The following GATA2 variants were observed in gnomAD, a reference collection of about 807,000 sequenced individuals.
GATA2 encodes the protein endothelial transcription factor GATA-2.
GATA2 carries 6 observed loss-of-function variants against 35.7 expected under a neutral mutation model. The observed-to-expected ratio is 0.17, with a 90% CI of 0.09 to 0.33. The LOEUF (loss-of-function observed/expected upper bound fraction) is 0.33. Ranked by LOEUF, GATA2 falls within the 10% of genes least tolerant of loss-of-function variation. The pLI is 1.00. For synonymous variants in GATA2, 313 were observed against 274.9 expected (o/e 1.14, Z -1.37); for missense variants, 541 against 656.6 (o/e 0.82, Z 1.92).
rs2068739750 is a variant in GATA2, at chr3:128,488,814, C to T, written c.-45-1738G>A. ...CACTCACTTCTAGCCCGGAGATCGG[C>T]TCTATGGTTCGTGTGGGCCGGGCGC... is the stretch of plus-strand genomic sequence containing the variant. On this transcript the variant is annotated intron_variant, in intron 1 of 5. Coordinates refer to ENST00000341105, the MANE Select transcript of GATA2 (RefSeq NM_032638.5). This position sits in a 1 kb window ranked among gnomAD's most constrained non-coding sequence, Gnocchi z 5.8. Among the ~76,000 whole-genome samples the T allele has an allele frequency of 6.6e-6, 1 of 152,180 alleles. No individual in the cohort carries two copies. The highest frequency in any genetic ancestry group is 1.5e-5 in the Non-Finnish European group (1 of 68,010).
At chr3:128,491,586 C>T (rs913330719) in intron 1 of GATA2, among the ~76,000 whole-genome samples, 6 of 152,194 alleles carry the variant, frequency 3.9e-5, no homozygotes, top group African/African-American at 1.4e-4. Flanking sequence ...ACTGCTATAA[C>T]GGCCCCTCCT....
Position 128,480,264 on chromosome 3 carries a change from G to A in GATA2, c.*755C>T. 4.3e-6 allele frequency: 1 copy of A among 233,360 alleles called. No homozygotes were observed. Among genetic ancestry groups the A allele is most frequent in the Non-Finnish European group, 8.5e-6 (1 of 118,072 alleles). 14.5% of individuals were successfully genotyped at this position (233,360 alleles called of 1,614,324 possible). On this transcript the variant is annotated 3_prime_UTR_variant, in exon 6 of 6. Transcript: ENST00000341105. ...GGTCCACCTGACAAGACAGGCTGTGGCTTGCGCTCAGTAAGGGGACACAGT... is the reference window on the plus strand; with the variant it reads ...GGTCCACCTGACAAGACAGGCTGTGACTTGCGCTCAGTAAGGGGACACAGT...
intron 1 of GATA2, among the ~76,000 whole-genome samples, chr3:128,489,052 G>T (rs948036197): frequency 6.6e-6 from 1 of 152,132 alleles, no homozygotes; most frequent in Non-Finnish European, 1.5e-5. Context: ...TGGGTCGGGG[G>T]CAGGAGGAGG....
At chr3:128,492,392 G>C (rs1022426258) in intron 1 of GATA2, among the ~76,000 whole-genome samples, 1 of 152,198 alleles carries the variant, frequency 6.6e-6, no homozygotes, top group African/African-American at 2.4e-5. Flanking sequence ...CAGACCCGGC[G>C]CTCTCCCCCA....
chr3:128,491,002 G>A (rs1366802460), intron 1 of GATA2, among the ~76,000 whole-genome samples: 1 of 152,200 alleles, frequency 6.6e-6, no homozygotes, highest in Non-Finnish European at 1.5e-5. Flanking sequence ...GACTGGAGAA[G>A]GTCAGCCAGG....
chr3:128,485,928 C>G lies in GATA2; in HGVS notation c.670G>C (p.Glu224Gln). 6.2e-7 allele frequency: 1 copy of G among 1,614,184 alleles called. No individual in the cohort carries two copies. Reference sequence around the variant, plus strand: ...CCTGGGCGCAGGGGACTGCCACTTTCCATCTTCATGCTCTCCGTCAGTGAC... The same window carrying G: ...CCTGGGCGCAGGGGACTGCCACTTTGCATCTTCATGCTCTCCGTCAGTGAC... ...QVSLTESMKMESGSPLRPGLA... is the reference protein window; with the variant it reads ...QVSLTESMKMQSGSPLRPGLA... Residue 224 changes from glutamate (E) to glutamine (Q), a missense_variant, in exon 3 of 6, where the codon GAA (glutamate) becomes CAA (glutamine). Coordinates refer to ENST00000341105, the MANE Select transcript of GATA2 (RefSeq NM_032638.5).
Position 128,483,020 on chromosome 3 carries a change from T to G in GATA2, c.1017+840A>C, listed in dbSNP as rs2068650366. Reference sequence around the variant, plus strand: ...GGCAGGGAGGGGTGAGTAAGCAGCCTGAAGCTGGAATTCTGACTCAGGGGC... The same window carrying G: ...GGCAGGGAGGGGTGAGTAAGCAGCCGGAAGCTGGAATTCTGACTCAGGGGC... On this transcript the variant is annotated intron_variant, in intron 4 of 5. Transcript: ENST00000341105. Among the ~76,000 whole-genome samples the G allele has an allele frequency of 2.6e-5, 4 of 152,282 alleles. No homozygotes were observed. In the South Asian group the frequency reaches 8.3e-4, roughly 32 times the overall value.
chr3:128,486,739 C>G, intron 2 of GATA2, 64 bp downstream of exon 2: 1 of 1,455,730 alleles, frequency 6.9e-7, no homozygotes, highest in Non-Finnish European at 9.4e-7. Context: ...CAGACGGGCC[C>G]TCCTCCCCTC....
intron 1 of GATA2, chr3:128,492,007 G>A (rs1420717621): frequency 2.6e-5 from 4 of 152,268 alleles, no homozygotes; most frequent in Non-Finnish European, 5.9e-5. Flanking sequence ...GCCCTACCTG[G>A]TTCTCGAATC....
chr3:128,486,271 C>T lies in GATA2; in HGVS notation c.327G>A (p.Ala109=), dbSNP rs373506586. The T allele has an allele frequency of 5.7e-6, 9 of 1,573,612 alleles. No individual in the cohort carries two copies. Among genetic ancestry groups the T allele is most frequent in the Non-Finnish European group, 7.8e-6 (9 of 1,160,864 alleles). ...DGGKAALSAA[A]AHHHNPWTVS... is the part of the protein sequence containing the mutation. ...CGGTCCAGGGGTTGTGGTGGTGGGC[C>T]GCAGCGGCAGAGAGGGCTGCTTTGC... Residue 109 remains alanine, a synonymous_variant, in exon 3 of 6, where the codon GCG becomes GCA. Coordinates refer to ENST00000341105, the MANE Select transcript of GATA2 (RefSeq NM_032638.5).
chr3:128,484,089 C>G (rs896358269), intron 3 of GATA2, 84 bp from the exon 4 acceptor site: 1 of 1,539,184 alleles, frequency 6.5e-7, no homozygotes. Context: ...AGCAGCCAGC[C>G]GAGCAGTGCC....
In GATA2 at chr3:128,481,172, T is replaced by A. The variant is rs766740489; in HGVS notation, c.1290A>T (p.Ala430=). 1 of 1,614,114 alleles carries A rather than the reference T, an allele frequency of 6.2e-7. No homozygotes were observed. The highest frequency in any genetic ancestry group is 8.5e-7 in the Non-Finnish European group (1 of 1,180,042). ...GTGCCATGTGTCCAGCCAGGGCAGC[T>A]GCACTGAAGGGGGATGACTTCTCCT... The part of the protein sequence containing the change: ...CMQEKSSPFS[A]AALAGHMAPV... The change falls in exon 6 of 6, where the codon GCA becomes GCT. Residue 430 remains alanine, a synonymous_variant. Transcript: ENST00000341105.
At position 128,480,662 on chromosome 3, in the gene GATA2, T is replaced by C; in HGVS notation, c.*357A>G. The C allele has an allele frequency of 3.2e-6, 1 of 316,592 alleles. No homozygotes were observed. Among genetic ancestry groups the C allele is most frequent in the Non-Finnish European group, 5.8e-6 (1 of 171,424 alleles). The allele number at this position is 316,592 out of a possible 1,614,324, so 19.6% of individuals were successfully genotyped here. On this transcript the variant is annotated 3_prime_UTR_variant, in exon 6 of 6. Transcript: ENST00000341105. ...TCAGACCACCAAGTCTCCAAGTCCT[T>C]GTTAGAAACAAGAGCAAAATAAATT...
intron 1 of GATA2, 68 bp from the exon 2 acceptor site, chr3:128,487,144 T>C (rs1297841071): frequency 7.1e-6 from 6 of 846,036 alleles, no homozygotes; most frequent in Non-Finnish European, 1.1e-5. Flanking sequence ...CACCACGAGG[T>C]GTCCCGCACG....
At chr3:128,491,207 A>C (rs2068762904) in intron 1 of GATA2, among the ~76,000 whole-genome samples, 17 of 24,648 alleles carry the variant, frequency 6.9e-4, no homozygotes, top group East Asian at 2.3e-3. Context: ...CCGGCCGTCC[A>C]GCCCCCCCCC....
chr3:128,483,741 A>T, intron 4 of GATA2, 119 bp downstream of exon 4: 10 of 1,364,854 alleles, frequency 7.3e-6, no homozygotes, highest in Non-Finnish European at 9.2e-6. Flanking sequence ...AGTGCTTTTC[A>T]TGATAAAAGA....
intron 1 of GATA2, chr3:128,490,317 A>T (rs1411607602): frequency 6.6e-6 from 1 of 152,268 alleles, no homozygotes; most frequent in Non-Finnish European, 1.5e-5. Context: ...GGCAGCTCAG[A>T]AAATCGCCGC....
Position 128,486,094 on chromosome 3 carries a change from G to C in GATA2, c.504C>G (p.Ser168=). The C allele has an allele frequency of 1.2e-6, 2 of 1,613,870 alleles. No individual in the cohort carries two copies. Among genetic ancestry groups the C allele is most frequent in the South Asian group, 2.2e-5 (2 of 91,012 alleles). The stretch of plus-strand genomic sequence containing the variant: ...GCGTGGGTGGGAAGCCGAAAAGGTG[G>C]GAGCCAGAGTGGGCTGCTGTAGGGG... ...SLTPTAAHSG[S]HLFGFPPTPP... Residue 168 remains serine (S), a synonymous_variant, in exon 3 of 6, where the codon TCC becomes TCG. Transcript: ENST00000341105.
At position 128,486,847 on chromosome 3, in the gene GATA2, T is replaced by C. The variant is rs761336696; in HGVS notation, c.185A>G (p.Asn62Ser). The C allele has an allele frequency of 6.2e-7, 1 of 1,611,668 alleles. No individual in the cohort carries two copies. The change falls in exon 2 of 6, where the codon AAC becomes AGC. Residue 62 changes from asparagine to serine, a missense_variant. Around this residue, in one of 5 missense-constraint regions of GATA2, gnomAD observed 389 missense variants for 396.9 expected, o/e 0.98. Transcript: ENST00000341105. ...LDSQGNPYYA[N>S]PAHARARVSY... Reference sequence around the variant, plus strand: ...GACGCGCGCCCGCGCGTGAGCGGGGTTGGCATAGTAGGGGTTGCCCTGCGA... The same window carrying C: ...GACGCGCGCCCGCGCGTGAGCGGGGCTGGCATAGTAGGGGTTGCCCTGCGA...
Sources: gnomAD v4.1 joint callset for allele counts (sites outside exome capture counted in the v4.1 genomes callset) on GRCh38, gnomAD v4.1.1 for gene constraint, gnomAD v4.1.1 regional missense constraint, Gnocchi (gnomAD v3.1) non-coding constraint, MANE v1.5 for transcripts, NCBI Gene and HGNC (gene_info 2026-07-23, HGNC 2026-07-21) for gene names.